Variants in MRTFA observed in about 807,000 individuals in gnomAD.
The protein encoded by MRTFA is myocardin related transcription factor A, also known as myocardin-related transcription factor A.
In MRTFA, 20 loss-of-function variants were observed where a neutral mutation model predicts 83.5. The observed-to-expected ratio is 0.24, with a 90% CI of 0.17 to 0.35. The LOEUF (loss-of-function observed/expected upper bound fraction) is 0.35, where lower values mean the gene tolerates loss of function less well. Among genes scored for constraint, MRTFA ranks in the 10% least tolerant of loss-of-function variants. MRTFA has a pLI of 1.00. For missense variants in MRTFA, 1,200 were observed against 1,224.7 expected (o/e 0.98, Z 0.30); for synonymous variants, 659 against 541.2 (o/e 1.22, Z -3.02).
At chr22:40,459,623 A>G (rs2053660338) in intron 4 of MRTFA, among the ~76,000 whole-genome samples, 1 of 151,724 alleles carries the variant, frequency 6.6e-6, no homozygotes, top group Non-Finnish European at 1.5e-5. Context: ...TTCAAACTCC[A>G]TGCCCAGAAT....
intron 1 of MRTFA, among the ~76,000 whole-genome samples, chr22:40,607,907 G>C (rs2056337379): frequency 6.6e-6 from 1 of 152,064 alleles, no homozygotes; most frequent in Admixed American, 6.5e-5. Context: ...TTAGACTTTG[G>C]GATTAACAAT....
intron 3 of MRTFA, among the ~76,000 whole-genome samples, chr22:40,507,972 CAAAAAAAAAAAAAA>C (rs11315930): frequency 6.9e-4 from 26 of 37,544 alleles, no homozygotes; most frequent in Middle Eastern, 0.029. Context: ...GACTCCACCT[CAAAAAAAAAAAAAA>C]AAAAAAAAAA....
chr22:40,438,001 G>C (rs1386350060), intron 4 of MRTFA, among the ~76,000 whole-genome samples: 1 of 152,174 alleles, frequency 6.6e-6, no homozygotes, highest in African/African-American at 2.4e-5. Context: ...ACTAGTGACA[G>C]GAGGACAGGA....
intron 3 of MRTFA, chr22:40,526,770 CT>C (rs1447148546): frequency 6.6e-6 from 1 of 152,120 alleles, no homozygotes; most frequent in Non-Finnish European, 1.5e-5. Context: ...GATACAGACA[CT>C]GCAAAAAGTT....
chr22:40,413,075 T>C (rs2052594671), intron 14 of MRTFA, among the ~76,000 whole-genome samples: 1 of 137,656 alleles, frequency 7.3e-6, no homozygotes, highest in Non-Finnish European at 1.5e-5. Context: ...AGGCGGAGGT[T>C]GCAGTGAGCC....
chr22:40,479,195 C>G (rs73167067), intron 3 of MRTFA, among the ~76,000 whole-genome samples: 18,329 of 152,104 alleles, frequency 0.12, 1,286 homozygotes, highest in East Asian at 0.24. Context: ...CAAAATGAAG[C>G]CTCCACCTTC....
intron 3 of MRTFA, among the ~76,000 whole-genome samples, chr22:40,491,284 G>GTGAGCCATGAT (rs1185653848): frequency 8.5e-5 from 13 of 152,138 alleles, no homozygotes; most frequent in African/African-American, 3.1e-4. Context: ...GGAGGTTGCA[G>GTGAGCCATGAT]TGAGCCATGA....
intron 3 of MRTFA, among the ~76,000 whole-genome samples, chr22:40,551,056 G>C (rs2055437539): frequency 7.5e-6 from 1 of 132,468 alleles, no homozygotes; most frequent in Non-Finnish European, 1.6e-5. Flanking sequence ...TCTCCATGCT[G>C]GTCAGGCTGG....
At chr22:40,536,910 G>C (rs1401700175) in intron 3 of MRTFA, among the ~76,000 whole-genome samples, 2 of 78,834 alleles carry the variant, frequency 2.5e-5, no homozygotes, top group East Asian at 1.1e-3. Context: ...CCGCCCGGCA[G>C]CCGCCCCGTC....
chr22:40,618,992 A>ATAT (rs1556027992), intron 1 of MRTFA, among the ~76,000 whole-genome samples: 112 of 149,106 alleles, frequency 7.5e-4, no homozygotes, highest in South Asian at 4.6e-3. Flanking sequence ...AATAATTAAA[A>ATAT]ATATATATAT....
At chr22:40,440,403 T>G (rs765050136) in intron 4 of MRTFA, among the ~76,000 whole-genome samples, 2 of 152,200 alleles carry the variant, frequency 1.3e-5, no homozygotes, top group African/African-American at 2.4e-5. Context: ...TGTCTAAACC[T>G]TCTGACAAAT....
chr22:40,429,585 G>C lies in MRTFA; in HGVS notation c.601+21C>G, dbSNP rs750338423. 1.9e-6 allele frequency: 3 copies of C among 1,614,066 alleles called. No individual in the cohort carries two copies. In the African/African-American group the frequency reaches 4.0e-5, roughly 22 times the overall value. ...CTGCATCTCAGCTGCCTCTCACACA[G>C]GGTGGCTGGGTCCTCCTCACCAATG... On this transcript the variant is annotated intron_variant, in intron 7 of 14. Coordinates refer to ENST00000355630, the MANE Select transcript of MRTFA (RefSeq NM_020831.6).
chr22:40,543,153 C>G (rs1054744462), intron 3 of MRTFA, among the ~76,000 whole-genome samples: 1 of 152,108 alleles, frequency 6.6e-6, no homozygotes, highest in African/African-American at 2.4e-5. Flanking sequence ...ACTGGGCGAC[C>G]TAATCTAGAA....
At chr22:40,583,762 C>G (rs1464728741) in intron 2 of MRTFA, among the ~76,000 whole-genome samples, 1 of 152,156 alleles carries the variant, frequency 6.6e-6, no homozygotes, top group African/African-American at 2.4e-5. Flanking sequence ...GCCTGATGAT[C>G]TGAGGTGGAA....
intron 1 of MRTFA, among the ~76,000 whole-genome samples, chr22:40,633,415 C>T (rs985775709): frequency 6.6e-6 from 1 of 152,128 alleles, no homozygotes; most frequent in Non-Finnish European, 1.5e-5. Flanking sequence ...TATAATACAA[C>T]GATCTTTGTT....
intron 4 of MRTFA, among the ~76,000 whole-genome samples, chr22:40,461,607 ACC>A (rs2053713852): frequency 7.3e-6 from 1 of 136,844 alleles, no homozygotes; most frequent in African/African-American, 2.8e-5. Flanking sequence ...ATACGGTGAA[ACC>A]CCGTCTCTAC....
intron 6 of MRTFA, among the ~76,000 whole-genome samples, chr22:40,430,275 G>A (rs1406661285): frequency 6.6e-6 from 1 of 152,032 alleles, no homozygotes; most frequent in Non-Finnish European, 1.5e-5. Context: ...ATCACCTGAG[G>A]TCAGGAGTTC....
intron 1 of MRTFA, among the ~76,000 whole-genome samples, chr22:40,635,698 G>C (rs1363005494): frequency 1.3e-5 from 2 of 152,144 alleles, no homozygotes; most frequent in African/African-American, 4.8e-5. Context: ...AACATTTCTT[G>C]GGCCCTTACT....
intron 2 of MRTFA, chr22:40,586,938 G>A: frequency 4.5e-6 from 2 of 444,860 alleles, no homozygotes. Context: ...TGCTGCTGCT[G>A]CTGCCACCGC....
Sources: gnomAD v4.1 joint callset for allele counts (sites outside exome capture counted in the v4.1 genomes callset) on GRCh38, gnomAD v4.1.1 for gene constraint, MANE v1.5 for transcripts, NCBI Gene and HGNC (gene_info 2026-07-23, HGNC 2026-07-21) for gene names.